The following CALN1 variants were observed in gnomAD, a reference collection of about 807,000 sequenced individuals.
CALN1 encodes the protein calcium-binding protein 8.
In CALN1, 17 loss-of-function variants were observed where a neutral mutation model predicts 30.6. The observed-to-expected ratio is 0.56, with a 90% CI of 0.38 to 0.83. CALN1 has a LOEUF of 0.83. Among genes scored for constraint, CALN1 ranks in the 40% least tolerant of loss-of-function variants. CALN1 has a pLI of 0.00. For synonymous variants in CALN1, 156 were observed against 131.4 expected (o/e 1.19, Z -1.28); for missense variants, 291 against 354.9 (o/e 0.82, Z 1.45).
chr7:72,439,775 C>T (rs1808293829), intron 1 of CALN1, among the ~76,000 whole-genome samples: 2 of 152,022 alleles, frequency 1.3e-5, no homozygotes, highest in Admixed American at 1.3e-4. Flanking sequence ...GATGGGGTTT[C>T]ACCATCTTGG....
intron 3 of CALN1, among the ~76,000 whole-genome samples, chr7:72,186,412 C>T (rs1218762895): frequency 6.6e-6 from 1 of 152,036 alleles, no homozygotes; most frequent in African/African-American, 2.4e-5. Context: ...GTGCCTGTAT[C>T]AGCATTTTCC....
At chr7:71,809,474 A>AAAAAAAG (rs1554342800) in intron 6 of CALN1, among the ~76,000 whole-genome samples, 38 of 151,262 alleles carry the variant, frequency 2.5e-4, no homozygotes, top group Non-Finnish European at 4.9e-4. Context: ...CAAAAAAAAA[A>AAAAAAAG]AAAAGAAAAG....
chr7:72,402,151 TAAGA>T (rs1342115442), intron 2 of CALN1, among the ~76,000 whole-genome samples: 2 of 151,752 alleles, frequency 1.3e-5, no homozygotes, highest in Non-Finnish European at 1.5e-5. Flanking sequence ...CCTCAGAGGC[TAAGA>T]GAGTGGCTTC....
rs568156254 is a variant in CALN1, at chr7:72,038,933, G to A, written c.389-15164C>T. Among the ~76,000 whole-genome samples the A allele has an allele frequency of 9.9e-5, 15 of 152,276 alleles. No homozygotes were observed. In the South Asian group the frequency reaches 2.7e-3, roughly 27 times the overall value. On this transcript the variant is annotated intron_variant, in intron 4 of 6. Coordinates refer to ENST00000395275, the MANE Select transcript of CALN1 (RefSeq NM_031468.4). ...TGGCTGCTCTGCCTATGGAGTAGCC[G>A]TTCTTTTATTCCTTTACTTTCCTAA... is the stretch of plus-strand genomic sequence containing the variant.
chr7:71,804,872 G>T (rs1180216612), intron 6 of CALN1, among the ~76,000 whole-genome samples: 1 of 152,216 alleles, frequency 6.6e-6, no homozygotes, highest in African/African-American at 2.4e-5. Context: ...CGAGGCAGGA[G>T]AATTGCTTTA....
At chr7:72,455,642 C>G in the CALN1 span, among the ~76,000 whole-genome samples, 3 of 152,096 alleles carry the variant, frequency 2.0e-5, no homozygotes, top group East Asian at 1.9e-4. Context: ...ACTCCGGGGA[C>G]ATGGAGGAGG....
chr7:72,015,586 T>C (rs73368137), intron 5 of CALN1, among the ~76,000 whole-genome samples: 2,003 of 152,246 alleles, frequency 0.013, 47 homozygotes, highest in African/African-American at 0.043. Context: ...ACTACAGGCA[T>C]GTGCCACCAC....
intron 5 of CALN1, among the ~76,000 whole-genome samples, chr7:71,847,803 A>AG (rs1491308793): frequency 2.9e-4 from 40 of 139,466 alleles, no homozygotes; most frequent in East Asian, 1.9e-3. Context: ...AGAAAAGAAG[A>AG]AAAGAAGGAG....
chr7:71,867,128 G>A (rs1400530941), intron 5 of CALN1, among the ~76,000 whole-genome samples: 1 of 144,008 alleles, frequency 6.9e-6, no homozygotes, highest in African/African-American at 2.7e-5. Context: ...CTGGGTGACA[G>A]AGCGAGACTC....
At chr7:71,946,169 T>C (rs901506803) in intron 5 of CALN1, among the ~76,000 whole-genome samples, 2 of 152,192 alleles carry the variant, frequency 1.3e-5, no homozygotes, top group Admixed American at 1.3e-4. Context: ...GCTCATTTTG[T>C]TTTAATTAGC....
chr7:72,394,532 G>C (rs1562944436), intron 2 of CALN1, among the ~76,000 whole-genome samples: 2 of 152,026 alleles, frequency 1.3e-5, no homozygotes, highest in African/African-American at 2.4e-5. Context: ...AAGGATGCTG[G>C]TAATCAACTG....
rs569004260 is a variant in CALN1 at position 72,310,860 on chromosome 7, G to A, written c.120-32050C>T. On this transcript the variant is annotated intron_variant, in intron 2 of 6. Coordinates refer to ENST00000395275, the MANE Select transcript of CALN1 (RefSeq NM_031468.4). ...GGAGGTTGCAGTGAGCCGAGATCAC[G>A]CCACTGCACTCTGTCGCCAGCCTGG... Among the ~76,000 whole-genome samples the A allele has an allele frequency of 8.3e-5, 12 of 144,808 alleles. No homozygotes were observed. The South Asian group carries it at 2.2e-3, about 27-fold the overall frequency. The allele number at this position is 144,808 out of a possible 152,430, so 95.0% of individuals were successfully genotyped here.
At chr7:71,922,251 A>T (rs998609081) in intron 5 of CALN1, among the ~76,000 whole-genome samples, 5 of 152,070 alleles carry the variant, frequency 3.3e-5, no homozygotes, top group Non-Finnish European at 7.4e-5. Flanking sequence ...TTTGAGTGTA[A>T]TATCTGGTTC....
At chr7:72,183,994 T>A (rs770295827) in intron 3 of CALN1, among the ~76,000 whole-genome samples, 29 of 152,040 alleles carry the variant, frequency 1.9e-4, no homozygotes, top group Non-Finnish European at 1.9e-4. Context: ...TGACGACAGT[T>A]CAGTTAAGAA....
At chr7:72,264,539 G>T (rs28432195) in intron 3 of CALN1, among the ~76,000 whole-genome samples, 28,410 of 150,790 alleles carry the variant, frequency 0.19, 3,726 homozygotes, top group East Asian at 0.43. Context: ...TGTTGCCCTG[G>T]CTGGAGTGCA....
At chr7:72,292,288 T>A (rs1254894723) in intron 2 of CALN1, among the ~76,000 whole-genome samples, 1 of 151,796 alleles carries the variant, frequency 6.6e-6, no homozygotes, top group East Asian at 2.0e-4. Flanking sequence ...ACCCTCTTCC[T>A]GGTCTACAGG....
At chr7:71,984,733 GCTGCAGAGTAAATGC>G (rs1798574766) in intron 5 of CALN1, among the ~76,000 whole-genome samples, 1 of 152,318 alleles carries the variant, frequency 6.6e-6, no homozygotes, top group African/African-American at 2.4e-5. Context: ...TCCCAGACCA[GCTGCAGAGTAAATGC>G]ACCTGACAGC....
chr7:72,169,616 C>A (rs1006202121), intron 3 of CALN1, among the ~76,000 whole-genome samples: 1 of 151,986 alleles, frequency 6.6e-6, no homozygotes, highest in Non-Finnish European at 1.5e-5. Context: ...AGCCACCACG[C>A]AGCCTTGCTT....
intron 1 of CALN1, among the ~76,000 whole-genome samples, chr7:72,426,291 T>C (rs776293377): frequency 6.6e-6 from 1 of 152,190 alleles, no homozygotes; most frequent in East Asian, 1.9e-4. Flanking sequence ...CATCCAAATC[T>C]CATCTTGAAT....
Sources: allele counts gnomAD v4.1 joint callset (sites outside exome capture counted in the v4.1 genomes callset), GRCh38; gene constraint gnomAD v4.1.1; transcripts MANE v1.5; gene names NCBI Gene and HGNC (gene_info 2026-07-23, HGNC 2026-07-21).